The following GRAMD1A variants were observed in gnomAD, a reference collection of about 807,000 sequenced individuals.
The protein encoded by GRAMD1A is protein Aster-A.
GRAMD1A carries 50 observed loss-of-function variants against 92.0 expected under a neutral mutation model. That is an observed-to-expected ratio of 0.54 (90% CI 0.43 to 0.69). GRAMD1A has a LOEUF of 0.69. GRAMD1A is among the 30% of genes least tolerant of loss of function. GRAMD1A has a pLI of 0.00. For missense variants in GRAMD1A, 819 were observed against 978.9 expected, an observed-to-expected ratio of 0.84 and a Z score of 2.18; for synonymous variants, 405 against 403.6, an observed-to-expected ratio of 1.00 and a Z score of -0.04.
At chr19:35,001,436 CTG>C (rs372338985) in intron 1 of GRAMD1A, among the ~76,000 whole-genome samples, 1 of 152,066 alleles carries the variant, frequency 6.6e-6, no homozygotes, top group African/African-American at 2.4e-5. Flanking sequence ...CCTTCTTGGG[CTG>C]TGTGTGTTTT....
chr19:34,996,233 ACC>A, upstream of GRAMD1A: 1 of 1,535,016 alleles, frequency 6.5e-7, no homozygotes, highest in African/African-American at 1.4e-5. Context: ...CTGCACCCCA[ACC>A]CCCCGACGCC....
chr19:35,022,832 G>A lies in GRAMD1A; in HGVS notation c.1842-68G>A, dbSNP rs543095905. The stretch of plus-strand genomic sequence containing the variant: ...CCAAGAGCTGCCCCGGGTGAGGAGG[G>A]CTGGGGGTGTCGGGGGCAGGCCAGG... On this transcript the variant is annotated intron_variant, in intron 16 of 19. Coordinates refer to ENST00000317991, the MANE Select transcript of GRAMD1A (RefSeq NM_020895.5). 7 of 1,543,578 alleles carry A rather than the reference G, an allele frequency of 4.5e-6. No individual in the cohort carries two copies. The East Asian group carries it at 1.2e-4, about 26-fold the overall frequency.
At chr19:35,012,534 C>T (rs1000755245) in intron 7 of GRAMD1A, among the ~76,000 whole-genome samples, 5 of 152,198 alleles carry the variant, frequency 3.3e-5, no homozygotes, top group South Asian at 2.1e-4. Context: ...GGAAAAGATT[C>T]GGGGGGCCAC....
chr19:34,998,807 A>AG (rs1056934783), upstream of GRAMD1A, among the ~76,000 whole-genome samples: 5 of 121,820 alleles, frequency 4.1e-5, no homozygotes, highest in African/African-American at 6.1e-5. Context: ...GCACGGCGAT[A>AG]GGGGGGGTGC....
At chr19:35,001,436 CTGTG>C (rs372338985) in intron 1 of GRAMD1A, among the ~76,000 whole-genome samples, 7 of 152,184 alleles carry the variant, frequency 4.6e-5, no homozygotes, top group African/African-American at 9.6e-5. Context: ...CCTTCTTGGG[CTGTG>C]TGTGTTTTAC....
chr19:35,006,839 G>A (rs1470805969), intron 1 of GRAMD1A, among the ~76,000 whole-genome samples: 2 of 152,242 alleles, frequency 1.3e-5, no homozygotes, highest in Admixed American at 6.5e-5. Context: ...ATAGCCTGGG[G>A]TGTGGCGACA....
Position 35,004,091 on chromosome 19 carries a change from T to C in GRAMD1A, c.8+3605T>C, listed in dbSNP as rs145314128. Among the ~76,000 whole-genome samples the C allele has an allele frequency of 2.0e-5, 3 of 152,138 alleles. No homozygotes were observed. The East Asian group carries it at 5.8e-4, about 29-fold the overall frequency. On this transcript the variant is annotated intron_variant, in intron 1 of 19. Coordinates refer to ENST00000317991, the MANE Select transcript of GRAMD1A (RefSeq NM_020895.5). ...AAAAACTTTAAAAATCAGCTAGGCA[T>C]GGTGGTGTGAGACTGTAGTCCCAGC...
At chr19:35,010,405 C>A (rs1220762897) in intron 6 of GRAMD1A, 26 bp downstream of exon 6, 11 of 1,488,994 alleles carry the variant, frequency 7.4e-6, no homozygotes, top group Non-Finnish European at 1.0e-5. Context: ...GTGACGGGAC[C>A]ACGCGGTCCC....
chr19:35,019,805 G>A (rs1294574334), intron 13 of GRAMD1A, among the ~76,000 whole-genome samples: 1 of 152,218 alleles, frequency 6.6e-6, no homozygotes, highest in Non-Finnish European at 1.5e-5. Flanking sequence ...TCATATTCTA[G>A]TGGGGAATTG....
chr19:35,022,049 G>A lies in GRAMD1A; in HGVS notation c.1841+11G>A. 1 of 1,602,646 alleles carries A rather than the reference G, an allele frequency of 6.2e-7. No individual in the cohort carries two copies. Among genetic ancestry groups the A allele is most frequent in the Non-Finnish European group, 8.5e-7 (1 of 1,170,522 alleles). On this transcript the variant is annotated intron_variant, in intron 16 of 19. Transcript: ENST00000317991. ...TCTCATCAGCATTGTGTGAGTAAGAGACAGGAGCAGTGGCCACACAGGCCT... is the reference window on the plus strand; with the variant it reads ...TCTCATCAGCATTGTGTGAGTAAGAAACAGGAGCAGTGGCCACACAGGCCT...
At chr19:35,015,624 C>T in intron 10 of GRAMD1A, 200 bp from the exon 11 acceptor site, 2 of 535,752 alleles carry the variant, frequency 3.7e-6, no homozygotes, top group African/African-American at 2.0e-5. Flanking sequence ...AGCACAGTGG[C>T]TGTCTGTCTG....
intron 16 of GRAMD1A, 27 bp from the exon 17 acceptor site, chr19:35,022,873 T>C (rs760375121): frequency 2.3e-4 from 367 of 1,602,882 alleles, no homozygotes; most frequent in Non-Finnish European, 3.0e-4. Flanking sequence ...CTCATCTCTC[T>C]GTCTCCCCTC....
At chr19:34,996,138 C>A (rs752011238), upstream of GRAMD1A, 51 of 1,535,890 alleles carry the variant, frequency 3.3e-5, no homozygotes, top group Non-Finnish European at 4.4e-5. Flanking sequence ...GGTGACAGGG[C>A]CCAGGGCCTG....
chr19:35,022,923 A>T lies in GRAMD1A; in HGVS notation c.1853+12A>T. The T allele has an allele frequency of 6.3e-7, 1 of 1,591,468 alleles. No individual in the cohort carries two copies. On this transcript the variant is annotated intron_variant, in intron 17 of 19. Coordinates refer to ENST00000317991, the MANE Select transcript of GRAMD1A (RefSeq NM_020895.5). ...AGGATCTGTGTGAGGTAGGGTCCCG[A>T]GTCCTCCCCCTGCCCTCCCCTCCCT...
intron 16 of GRAMD1A, among the ~76,000 whole-genome samples, chr19:35,022,673 G>A: frequency 6.6e-6 from 1 of 152,234 alleles, no homozygotes; most frequent in Non-Finnish European, 1.5e-5. Context: ...TGGCGGGCAG[G>A]ACGCTGGGAG....
Position 35,021,973 on chromosome 19 carries a change from CG to C in GRAMD1A, c.1777del (p.Glu593AsnfsTer22), listed in dbSNP as rs2016094741. On this transcript the variant is annotated frameshift_variant, in exon 16 of 20. Transcript: ENST00000317991. LOFTEE classifies it high-confidence loss of function. The surrounding 1 kb of genome is among the most constrained non-coding windows in gnomAD (Gnocchi z 5.3). ...CAGGCTCCCTCAGCTCCCGCTTCTC[CG>C]AACCATCTGTGGACCAGGGCCCCGG... ...TSGSLSSRFS[E>X]PSVDQGPGAG... 1 of 1,613,980 alleles carries C rather than the reference CG, an allele frequency of 6.2e-7. No homozygotes were observed. Among genetic ancestry groups the C allele is most frequent in the Non-Finnish European group, 8.5e-7 (1 of 1,179,990 alleles).
At position 35,019,234 on chromosome 19, in the gene GRAMD1A, G is replaced by A. The variant is rs2015860075; in HGVS notation, c.1257G>A (p.Gln419=). 2 of 1,613,314 alleles carry A rather than the reference G, an allele frequency of 1.2e-6. No homozygotes were observed. The highest frequency in any genetic ancestry group is 1.7e-6 in the Non-Finnish European group (2 of 1,179,546). ...SPWSGDSKCH[Q]RRVLTYTIPI... is the part of the protein sequence containing the mutation. ...GGAGTGGGGACAGCAAGTGCCACCA[G>A]CGCCGGGTGCTGACGTACACCATCC... Residue 419 remains glutamine (Q), a synonymous_variant, in exon 12 of 20, where the codon CAG becomes CAA. Transcript: ENST00000317991.
chr19:35,003,907 G>C (rs1379432426), intron 1 of GRAMD1A, among the ~76,000 whole-genome samples: 1 of 152,222 alleles, frequency 6.6e-6, no homozygotes, highest in Non-Finnish European at 1.5e-5. Flanking sequence ...AGTGGGCTTT[G>C]TTCAGGAAGG....
At chr19:34,996,805 A>C (rs74547939), upstream of GRAMD1A, among the ~76,000 whole-genome samples, 6 of 144,504 alleles carry the variant, frequency 4.2e-5, no homozygotes, top group Non-Finnish European at 4.5e-5. Flanking sequence ...CTCTGTCTCA[A>C]AAAAAAAAAA....
Sources: gnomAD v4.1 joint callset for allele counts (sites outside exome capture counted in the v4.1 genomes callset) on GRCh38, gnomAD v4.1.1 for gene constraint, Gnocchi (gnomAD v3.1) non-coding constraint, MANE v1.5 for transcripts, NCBI Gene and HGNC (gene_info 2026-07-23, HGNC 2026-07-21) for gene names.